Variants in NBEA observed in about 807,000 individuals in gnomAD.
NBEA encodes the protein lysosomal-trafficking regulator 2.
NBEA carries 44 observed loss-of-function variants against 343.4 expected under a neutral mutation model. The observed-to-expected ratio is 0.13, with a 90% CI of 0.10 to 0.16. The LOEUF (loss-of-function observed/expected upper bound fraction) is 0.16, where lower values mean the gene tolerates loss of function less well. Among genes scored for constraint, NBEA ranks in the 10% least tolerant of loss-of-function variants. The pLI is 1.00. For missense variants in NBEA, 2,555 were observed against 3,631.3 expected, an observed-to-expected ratio of 0.70 and a Z score of 7.62; for synonymous variants, 1,175 against 1,238.7, an observed-to-expected ratio of 0.95 and a Z score of 1.08.
chr13:35,562,578 CT>C (rs1428912061), intron 44 of NBEA, among the ~76,000 whole-genome samples: 2 of 151,940 alleles, frequency 1.3e-5, no homozygotes, highest in African/African-American at 4.8e-5. Flanking sequence ...GCATTTTCCA[CT>C]TTTTTACTCT....
intron 23 of NBEA, 56 bp downstream of exon 23, chr13:35,162,023 C>A: frequency 7.0e-7 from 1 of 1,420,394 alleles, no homozygotes; most frequent in Non-Finnish European, 9.5e-7. Context: ...ATGCCATTGC[C>A]TATTCTATTT....
chr13:35,126,218 C>T (rs917989058), intron 17 of NBEA, among the ~76,000 whole-genome samples: 3 of 152,224 alleles, frequency 2.0e-5, no homozygotes, highest in Admixed American at 6.5e-5. Flanking sequence ...CTCACTCCAT[C>T]TTCCTGCCCT....
At chr13:35,191,789 T>C (rs2072215255) in intron 30 of NBEA, among the ~76,000 whole-genome samples, 1 of 152,070 alleles carries the variant, frequency 6.6e-6, no homozygotes, top group African/African-American at 2.4e-5. Context: ...TTTCATGATA[T>C]TCCTTATTTA....
chr13:35,577,248 T>C (rs1351574941), intron 45 of NBEA, among the ~76,000 whole-genome samples: 1 of 152,184 alleles, frequency 6.6e-6, no homozygotes, highest in Non-Finnish European at 1.5e-5. Context: ...TAAAATATTA[T>C]GATTGACAGG....
chr13:35,206,954 T>TACCTAA (rs1489310521), intron 31 of NBEA, among the ~76,000 whole-genome samples: 2 of 152,026 alleles, frequency 1.3e-5, no homozygotes, highest in Non-Finnish European at 1.5e-5. Flanking sequence ...ATGTGTGCTT[T>TACCTAA]AGGTAATTAG....
At chr13:35,221,577 A>G (rs1290856911) in intron 33 of NBEA, among the ~76,000 whole-genome samples, 2 of 152,158 alleles carry the variant, frequency 1.3e-5, no homozygotes. Context: ...CTGAAAGATT[A>G]TAAACATAAT....
intron 41 of NBEA, among the ~76,000 whole-genome samples, chr13:35,531,226 A>G (rs2078246898): frequency 6.6e-6 from 1 of 152,204 alleles, no homozygotes; most frequent in Admixed American, 6.5e-5. Flanking sequence ...CCAAGAAATT[A>G]TTATTCTGGG....
At chr13:35,386,303 C>A (rs559361210) in intron 38 of NBEA, among the ~76,000 whole-genome samples, 25 of 152,148 alleles carry the variant, frequency 1.6e-4, no homozygotes, top group African/African-American at 5.5e-4. Context: ...ATGACTTGAG[C>A]AAAATTCCTA....
intron 36 of NBEA, among the ~76,000 whole-genome samples, chr13:35,328,842 A>C (rs2038749003): frequency 1.3e-5 from 2 of 151,808 alleles, no homozygotes; most frequent in South Asian, 4.1e-4. Context: ...GCAGGGCCTA[A>C]GATAGCCAAA....
At position 35,317,917 on chromosome 13, in the gene NBEA, A is replaced by T. The variant is rs145358758; in HGVS notation, c.5903+8325A>T. Among the ~76,000 whole-genome samples the T allele has an allele frequency of 6.4e-3, 975 of 152,266 alleles. 9 individuals carry two copies. Among genetic ancestry groups the T allele is most frequent in the African/African-American group, 0.023 (936 of 41,542 alleles). ...CTCTCTGTTTGTCTATTACTGGTGT[A>T]TAGGAATGCTTGAGATTTTTGCACA... On this transcript the variant is annotated intron_variant, in intron 36 of 58. Transcript: ENST00000379939.
At chr13:35,124,642 A>ATATGTGGATATATATACACATG (rs2066997257) in intron 17 of NBEA, among the ~76,000 whole-genome samples, 3 of 142,820 alleles carry the variant, frequency 2.1e-5, no homozygotes, top group Non-Finnish European at 4.6e-5. Context: ...ACACACACAT[A>ATATGTGGATATATATACACATG]TATGGATATA....
intron 31 of NBEA, among the ~76,000 whole-genome samples, chr13:35,204,506 G>A (rs948606175): frequency 3.3e-5 from 5 of 151,952 alleles, no homozygotes; most frequent in East Asian, 1.9e-4. Context: ...AGGAAAGACC[G>A]GCCCTCGTGA....
chr13:35,450,310 CA>C (rs578167924), intron 39 of NBEA, among the ~76,000 whole-genome samples: 354 of 126,522 alleles, frequency 2.8e-3, no homozygotes, highest in Middle Eastern at 3.9e-3. Flanking sequence ...CCCATCCCTA[CA>C]AAAAAAAAAA....
chr13:35,319,831 T>G (rs1474770303), intron 36 of NBEA, among the ~76,000 whole-genome samples: 1 of 152,200 alleles, frequency 6.6e-6, no homozygotes, highest in Non-Finnish European at 1.5e-5. Flanking sequence ...CATTGATCCC[T>G]TTACCATTAC....
chr13:35,286,617 A>C (rs1338534552), intron 34 of NBEA, among the ~76,000 whole-genome samples: 2 of 152,176 alleles, frequency 1.3e-5, no homozygotes, highest in East Asian at 3.8e-4. Context: ...AGATTGACTC[A>C]AAAGAGTCTG....
intron 1 of NBEA, among the ~76,000 whole-genome samples, chr13:35,011,926 C>T (rs952486756): frequency 6.6e-6 from 1 of 151,968 alleles, no homozygotes; most frequent in Admixed American, 6.6e-5. Flanking sequence ...CAGTATTGCT[C>T]TGATATTTAG....
At chr13:35,468,193 G>T (rs1316936215) in intron 40 of NBEA, among the ~76,000 whole-genome samples, 1 of 148,830 alleles carries the variant, frequency 6.7e-6, no homozygotes, top group East Asian at 2.0e-4. Context: ...CTGGGAACTG[G>T]CCTGCCTATA....
intron 10 of NBEA, among the ~76,000 whole-genome samples, chr13:35,087,147 A>G (rs565344394): frequency 2.5e-3 from 372 of 151,798 alleles, no homozygotes; most frequent in African/African-American, 8.1e-3. Flanking sequence ...GAAGCTTTTT[A>G]GTTTTATATA....
At chr13:35,635,949 G>C (rs527883589) in intron 49 of NBEA, among the ~76,000 whole-genome samples, 3 of 152,146 alleles carry the variant, frequency 2.0e-5, no homozygotes, top group Non-Finnish European at 4.4e-5. Context: ...TCTTCGCTTT[G>C]TGTTATTTTT....
Sources: gnomAD v4.1 joint callset for allele counts (sites outside exome capture counted in the v4.1 genomes callset) on GRCh38, gnomAD v4.1.1 for gene constraint, MANE v1.5 for transcripts, NCBI Gene and HGNC (gene_info 2026-07-23, HGNC 2026-07-21) for gene names.